DNM3: variants seen among roughly 807,000 people sequenced by gnomAD.
The protein encoded by DNM3 is dynamin 3.
In DNM3, 47 loss-of-function variants were observed where a neutral mutation model predicts 101.6. The observed-to-expected ratio is 0.46, with a 90% CI of 0.37 to 0.59. The LOEUF (loss-of-function observed/expected upper bound fraction) is 0.59, where lower values mean the gene tolerates loss of function less well. Among genes scored for constraint, DNM3 ranks in the 20% least tolerant of loss-of-function variants. DNM3 has a pLI of 0.00. For missense variants in DNM3, 849 were observed against 1,085.7 expected, an observed-to-expected ratio of 0.78 and a Z score of 3.06; for synonymous variants, 385 against 387.9, an observed-to-expected ratio of 0.99 and a Z score of 0.09.
intron 13 of DNM3, among the ~76,000 whole-genome samples, chr1:172,115,391 T>C: frequency 6.6e-6 from 1 of 152,314 alleles, no homozygotes; most frequent in South Asian, 2.1e-4. Flanking sequence ...CTTCTCCTCT[T>C]TCTCTTGTGA....
At chr1:172,316,637 A>G (rs1427264342) in intron 16 of DNM3, among the ~76,000 whole-genome samples, 1 of 152,152 alleles carries the variant, frequency 6.6e-6, no homozygotes, top group Non-Finnish European at 1.5e-5. Context: ...CAAAAGAGAC[A>G]AAGAAGGCTA....
intron 17 of DNM3, chr1:172,378,051 A>G (rs2068703697): frequency 6.6e-6 from 1 of 152,080 alleles, no homozygotes; most frequent in African/African-American, 2.4e-5. Flanking sequence ...ACATGGAAGC[A>G]ATAAATTATT....
At chr1:172,098,192 A>C (rs1252906232) in intron 13 of DNM3, among the ~76,000 whole-genome samples, 1 of 152,178 alleles carries the variant, frequency 6.6e-6, no homozygotes, top group Non-Finnish European at 1.5e-5. Context: ...ACGGGAGACT[A>C]GGGCTTATTT....
At chr1:171,890,237 GTAAATC>G in intron 1 of DNM3, among the ~76,000 whole-genome samples, 1 of 152,262 alleles carries the variant, frequency 6.6e-6, no homozygotes, top group South Asian at 2.1e-4. Flanking sequence ...AATATTCATA[GTAAATC>G]TGCTTTCTGG....
chr1:172,066,459 C>T (rs79348546), intron 10 of DNM3, among the ~76,000 whole-genome samples: 9,794 of 151,968 alleles, frequency 0.064, 626 homozygotes, highest in East Asian at 0.17. Context: ...TAGCTCAGGT[C>T]GCTAGTCCTC....
chr1:172,120,182 G>A (rs2056218863), intron 13 of DNM3, among the ~76,000 whole-genome samples: 2 of 152,154 alleles, frequency 1.3e-5, no homozygotes, highest in African/African-American at 4.8e-5. Context: ...GTTCTACGTG[G>A]CTGGGGAGGC....
intron 17 of DNM3, among the ~76,000 whole-genome samples, chr1:172,334,727 G>T (rs2066341851): frequency 6.6e-6 from 1 of 151,836 alleles, no homozygotes; most frequent in Non-Finnish European, 1.5e-5. Flanking sequence ...TTGATTTGCT[G>T]GTTTGCCTTA....
intron 1 of DNM3, among the ~76,000 whole-genome samples, chr1:171,848,528 C>T (rs1490290955): frequency 6.6e-6 from 1 of 152,148 alleles, no homozygotes; most frequent in Non-Finnish European, 1.5e-5. Flanking sequence ...CTGAGATGGT[C>T]ATCAATAGGC....
chr1:171,955,296 G>A (rs1434785768), intron 2 of DNM3, among the ~76,000 whole-genome samples: 1 of 152,152 alleles, frequency 6.6e-6, no homozygotes, highest in African/African-American at 2.4e-5. Context: ...ACTTATAAAA[G>A]ATAATACATT....
chr1:171,961,678 T>C (rs1274435475), intron 2 of DNM3, among the ~76,000 whole-genome samples: 1 of 152,134 alleles, frequency 6.6e-6, no homozygotes, highest in African/African-American at 2.4e-5. Flanking sequence ...TTTTTTACAA[T>C]AGCTAAACAA....
chr1:171,855,883 C>T (rs1316305263), intron 1 of DNM3, among the ~76,000 whole-genome samples: 1 of 152,166 alleles, frequency 6.6e-6, no homozygotes, highest in South Asian at 2.1e-4. Flanking sequence ...TAGAATCCCT[C>T]TTGTCAATTT....
intron 1 of DNM3, among the ~76,000 whole-genome samples, chr1:171,919,943 T>C (rs1038004977): frequency 1.3e-5 from 2 of 152,184 alleles, no homozygotes; most frequent in Non-Finnish European, 2.9e-5. Context: ...TCAGTGAATT[T>C]TTTTTGATGA....
rs561657597 is a variant in DNM3 at position 172,322,309 on chromosome 1, T to A, written c.1882-1020T>A. Among the ~76,000 whole-genome samples, 3 of 152,306 alleles carry A rather than the reference T, an allele frequency of 2.0e-5. No individual in the cohort carries two copies. In the East Asian group the frequency reaches 5.8e-4, roughly 29 times the overall value. On this transcript the variant is annotated intron_variant, in intron 16 of 20. Transcript: ENST00000627582. ...TGCACACACTTTACTCACAGCTCTC[T>A]TCCACCCTGTGTCTCAGCGAGAAAT...
downstream of DNM3, chr1:172,412,774 C>T (rs1558112309): frequency 8.2e-6 from 8 of 971,214 alleles, no homozygotes; most frequent in Non-Finnish European, 9.8e-6. Flanking sequence ...TCAGTAATAC[C>T]TGAGACTTCT....
intron 1 of DNM3, among the ~76,000 whole-genome samples, chr1:171,858,935 A>C (rs191647494): frequency 1.3e-5 from 2 of 152,306 alleles, no homozygotes; most frequent in African/African-American, 4.8e-5. Flanking sequence ...GGACTATAAC[A>C]ATAGACTCAT....
Position 172,388,645 on chromosome 1 carries a change from C to A in DNM3, c.2358C>A (p.Gly786=). ...LSAPLARPTS[G]RGPAPAIPSP... ...CTCCCCTCGCAAGGCCCACATCCGGCCGAGGACCAGCTCCTGCCATTCCCT... is the reference window on the plus strand; with the variant it reads ...CTCCCCTCGCAAGGCCCACATCCGGACGAGGACCAGCTCCTGCCATTCCCT... The change falls in exon 20 of 21, where the codon GGC becomes GGA. Residue 786 remains glycine (G), a synonymous_variant. Transcript: ENST00000627582. 1 of 1,614,030 alleles carries A rather than the reference C, an allele frequency of 6.2e-7. No homozygotes were observed. The highest frequency in any genetic ancestry group is 8.5e-7 in the Non-Finnish European group (1 of 1,179,900).
intron 3 of DNM3, 40 bp from the exon 4 acceptor site, chr1:171,988,905 T>A: frequency 1.3e-6 from 2 of 1,499,190 alleles, no homozygotes; most frequent in Non-Finnish European, 1.8e-6. Context: ...TCTTTTAGCA[T>A]TGAAGGTGTA....
At chr1:171,929,075 A>G (rs933441635) in intron 2 of DNM3, among the ~76,000 whole-genome samples, 6 of 152,034 alleles carry the variant, frequency 3.9e-5, no homozygotes, top group Non-Finnish European at 8.8e-5. Flanking sequence ...GGGATTGGAG[A>G]CCTGCTTAGA....
At chr1:172,364,470 T>C (rs534521184) in intron 17 of DNM3, among the ~76,000 whole-genome samples, 2 of 151,966 alleles carry the variant, frequency 1.3e-5, no homozygotes, top group African/African-American at 4.8e-5. Flanking sequence ...TTAAATGATA[T>C]GCAGGGGATG....
Sources: allele counts gnomAD v4.1 joint callset (sites outside exome capture counted in the v4.1 genomes callset), GRCh38; gene constraint gnomAD v4.1.1; transcripts MANE v1.5; gene names NCBI Gene and HGNC (gene_info 2026-07-23, HGNC 2026-07-21).